UBTD1: variants seen among roughly 807,000 people sequenced by gnomAD.
UBTD1 encodes the protein ubiquitin domain containing 1.
In UBTD1, 19 loss-of-function variants were observed where a neutral mutation model predicts 21.7. That is an observed-to-expected ratio of 0.87 (90% CI 0.61 to 1.28). The LOEUF (loss-of-function observed/expected upper bound fraction) is 1.28, where lower values mean the gene tolerates loss of function less well. UBTD1 is among the 50% of genes most tolerant of loss of function. The probability of loss-of-function intolerance (pLI) is 0.00; values close to 1 mark genes in which losing one functional copy is unlikely to be tolerated. For missense variants in UBTD1, 282 were observed against 315.1 expected, an observed-to-expected ratio of 0.89 and a Z score of 0.80; for synonymous variants, 116 against 135.1, an observed-to-expected ratio of 0.86 and a Z score of 0.98.
chr10:97,560,033 C>G (rs900812119), intron 1 of UBTD1, among the ~76,000 whole-genome samples: 3 of 151,902 alleles, frequency 2.0e-5, no homozygotes, highest in Non-Finnish European at 4.4e-5. Flanking sequence ...TTAAATTATA[C>G]AACATTTTTT....
intron 1 of UBTD1, among the ~76,000 whole-genome samples, chr10:97,565,313 G>C (rs1187515001): frequency 6.6e-6 from 1 of 152,144 alleles, no homozygotes; most frequent in African/African-American, 2.4e-5. Context: ...GAACATCTTT[G>C]TTCTTCTATA....
At chr10:97,499,399 C>G in intron 1 of UBTD1, 126 bp downstream of exon 1, 2 of 1,237,442 alleles carry the variant, frequency 1.6e-6, no homozygotes, top group Non-Finnish European at 2.2e-6. Context: ...ATGGGCTGCT[C>G]CGCAGCCAGA....
intron 1 of UBTD1, 124 bp downstream of exon 1, chr10:97,499,397 C>T (rs2040310580): frequency 7.9e-7 from 1 of 1,258,786 alleles, no homozygotes; most frequent in South Asian, 1.7e-5. Context: ...CGATGGGCTG[C>T]TCCGCAGCCA....
chr10:97,556,791 G>A (rs750049235), intron 1 of UBTD1, among the ~76,000 whole-genome samples: 11 of 152,158 alleles, frequency 7.2e-5, no homozygotes, highest in Non-Finnish European at 1.0e-4. Context: ...ATAACCTGGC[G>A]GGGGCCGTCC....
At chr10:97,511,379 A>G (rs138090296) in intron 1 of UBTD1, among the ~76,000 whole-genome samples, 1 of 152,272 alleles carries the variant, frequency 6.6e-6, no homozygotes, top group East Asian at 1.9e-4. Context: ...CATCAGTCTC[A>G]GGTTCCTTCC....
In UBTD1 at chr10:97,507,774, C is replaced by CA. The variant is rs61128714; in HGVS notation, c.70+8527dup. Among the ~76,000 whole-genome samples, 526 of 59,384 alleles carry CA rather than the reference C, an allele frequency of 8.9e-3. 14 individuals are homozygous for CA. Among genetic ancestry groups the CA allele is most frequent in the East Asian group, 0.011 (24 of 2,184 alleles). The allele number at this position is 59,384 out of a possible 152,430, so 39.0% of individuals were successfully genotyped here. A position where few individuals can be genotyped will look rare whatever the true frequency, so the allele number is the denominator to read the frequency against. On this transcript the variant is annotated intron_variant, in intron 1 of 2. Transcript: ENST00000370664. ...CTAACGACAGAGCAAGACTCCGTCT[C>CA]AAAAAAAAAAAAAAAAAAAAAAAAA...
At chr10:97,517,611 T>C (rs2040450031) in intron 1 of UBTD1, among the ~76,000 whole-genome samples, 1 of 152,154 alleles carries the variant, frequency 6.6e-6, no homozygotes, top group African/African-American at 2.4e-5. Flanking sequence ...ACTCGTGGCA[T>C]GGCACTGCCC....
intron 1 of UBTD1, among the ~76,000 whole-genome samples, chr10:97,523,178 C>T (rs931168785): frequency 7.9e-5 from 12 of 152,222 alleles, no homozygotes; most frequent in Non-Finnish European, 1.5e-4. Context: ...GCCTGCCAGC[C>T]GCCCAGAACA....
chr10:97,551,259 G>A (rs2040636086), intron 1 of UBTD1, among the ~76,000 whole-genome samples: 1 of 152,124 alleles, frequency 6.6e-6, no homozygotes, highest in African/African-American at 2.4e-5. Context: ...ATGTTGGCCA[G>A]GCATGGTGGC....
Position 97,570,368 on chromosome 10 carries a change from C to T in UBTD1, c.529C>T (p.Gln177Ter). Residue 177 changes from glutamine to a stop codon, truncating the protein, a stop_gained, in exon 3 of 3, where the codon CAG becomes TAG. Coordinates refer to ENST00000370664, the MANE Select transcript of UBTD1 (RefSeq NM_024954.5). LOFTEE classifies it high-confidence loss of function. This position sits in a 1 kb window ranked among gnomAD's most constrained non-coding sequence, Gnocchi z 6.6. The stretch of plus-strand genomic sequence containing the variant: ...CGACACAGTGGGGCAGCTCAAGAGG[C>T]AGCTGCACGCCCAGGAGGGCATCGA... ...LPDTVGQLKR[Q>*]LHAQEGIEPS... The T allele has an allele frequency of 6.2e-7, 1 of 1,613,334 alleles. No individual in the cohort carries two copies. Among genetic ancestry groups the T allele is most frequent in the Non-Finnish European group, 8.5e-7 (1 of 1,179,988 alleles).
chr10:97,555,035 G>A (rs2040657693), intron 1 of UBTD1, among the ~76,000 whole-genome samples: 1 of 152,212 alleles, frequency 6.6e-6, no homozygotes, highest in Non-Finnish European at 1.5e-5. Flanking sequence ...AGACCAGTAA[G>A]AAGTGCAATC....
At chr10:97,517,753 G>A (rs894223379) in intron 1 of UBTD1, among the ~76,000 whole-genome samples, 3 of 152,166 alleles carry the variant, frequency 2.0e-5, no homozygotes, top group Non-Finnish European at 4.4e-5. Context: ...CCCGGTCCCT[G>A]GGGGTGAGTA....
At chr10:97,554,136 G>T (rs749210686) in intron 1 of UBTD1, among the ~76,000 whole-genome samples, 1 of 152,134 alleles carries the variant, frequency 6.6e-6, no homozygotes, top group African/African-American at 2.4e-5. Flanking sequence ...AAGAGAAAAT[G>T]AGATGCATGG....
intron 1 of UBTD1, among the ~76,000 whole-genome samples, chr10:97,544,912 C>A (rs1409196308): frequency 6.6e-6 from 1 of 151,814 alleles, no homozygotes; most frequent in African/African-American, 2.4e-5. Context: ...AATCTTTGTC[C>A]TTGTCTTCAT....
chr10:97,546,765 C>T (rs945184583), intron 1 of UBTD1, among the ~76,000 whole-genome samples: 2 of 152,080 alleles, frequency 1.3e-5, no homozygotes, highest in Admixed American at 6.6e-5. Flanking sequence ...TGCTGCTTTT[C>T]CCATTGGCAT....
At chr10:97,567,672 C>A (rs2040724394) in intron 1 of UBTD1, among the ~76,000 whole-genome samples, 2 of 151,748 alleles carry the variant, frequency 1.3e-5, no homozygotes, top group Admixed American at 6.6e-5. Context: ...AAACAAAAAA[C>A]AAAAAACAAA....
chr10:97,545,244 G>A (rs1292083479), intron 1 of UBTD1, among the ~76,000 whole-genome samples: 1 of 151,968 alleles, frequency 6.6e-6, no homozygotes, highest in African/African-American at 2.4e-5. Flanking sequence ...AGGAGGCTGA[G>A]GCAGGAGAAT....
At chr10:97,561,254 G>C (rs2040691404) in intron 1 of UBTD1, among the ~76,000 whole-genome samples, 1 of 152,130 alleles carries the variant, frequency 6.6e-6, no homozygotes, top group East Asian at 1.9e-4. Flanking sequence ...CCACAGGGCA[G>C]GTCTAAGCCG....
intron 1 of UBTD1, among the ~76,000 whole-genome samples, chr10:97,549,978 G>T (rs1353570854): frequency 6.6e-6 from 1 of 152,182 alleles, no homozygotes; most frequent in Non-Finnish European, 1.5e-5. Flanking sequence ...CTGACCCCTT[G>T]TTCCCGCTGC....
Sources: allele counts gnomAD v4.1 joint callset (sites outside exome capture counted in the v4.1 genomes callset), GRCh38; gene constraint gnomAD v4.1.1; non-coding constraint Gnocchi (gnomAD v3.1); transcripts MANE v1.5; gene names NCBI Gene and HGNC (gene_info 2026-07-23, HGNC 2026-07-21).